The following TRAM1 variants were observed in gnomAD, a reference collection of about 807,000 sequenced individuals.
The protein encoded by TRAM1 is translocating chain-associated membrane protein 1.
TRAM1 carries 17 observed loss-of-function variants against 48.7 expected under a neutral mutation model. The observed-to-expected ratio is 0.35, with a 90% CI of 0.24 to 0.52. TRAM1 has a LOEUF of 0.52. Ranked by LOEUF, TRAM1 falls within the 20% of genes least tolerant of loss-of-function variation. The pLI, the probability that TRAM1 is intolerant of heterozygous loss-of-function variation, is 0.94. For synonymous variants in TRAM1, 182 were observed against 154.0 expected, an observed-to-expected ratio of 1.18 and a Z score of -1.34; for missense variants, 351 against 441.5, an observed-to-expected ratio of 0.79 and a Z score of 1.84.
At position 70,583,727 on chromosome 8, in the gene TRAM1, A is replaced by T. The variant is rs777859138; in HGVS notation, c.813T>A (p.Thr271=). 1 of 1,612,200 alleles carries T rather than the reference A, an allele frequency of 6.2e-7. No individual in the cohort carries two copies. Among genetic ancestry groups the T allele is most frequent in the Non-Finnish European group, 8.5e-7 (1 of 1,179,494 alleles). ...RLLTLILSVL[T]VGFGLARAEN... ...CTGCTCTTGCAAGGCCAAAACCAAC[A>T]GTCAGTACTGAAAGAATTAAAGTCA... The change falls in exon 9 of 11, where the codon ACT becomes ACA. Residue 271 remains threonine, a synonymous_variant. Transcript: ENST00000262213.
chr8:70,608,186 T>C lies in TRAM1; in HGVS notation c.14A>G (p.Lys5Arg). MAIR[K>R]KSTKSPPVLS... The stretch of plus-strand genomic sequence containing the variant: ...CACTGGGGGGCTCTTGGTGCTTTTC[T>C]TGCGAATCGCCATGGTGGGGCCGCC... The change falls in exon 1 of 11, where the codon AAG becomes AGG. Residue 5 changes from lysine to arginine, a missense_variant. Transcript: ENST00000262213. The C allele has an allele frequency of 6.3e-7, 1 of 1,588,446 alleles. No individual in the cohort carries two copies.
At position 70,608,101 on chromosome 8, in the gene TRAM1, G is replaced by T; in HGVS notation, c.99C>A (p.Val33=). ...CCTCAAACATGAGCCCCAGCAGGAA[G>T]ACCATCGCCACACAGGAGACGATGT... ...HADIVSCVAM[V]FLLGLMFEIT... The change falls in exon 1 of 11, where the codon GTC becomes GTA. Residue 33 remains valine (V), a synonymous_variant. Coordinates refer to ENST00000262213, the MANE Select transcript of TRAM1 (RefSeq NM_014294.6). 6.3e-7 allele frequency: 1 copy of T among 1,598,376 alleles called. No homozygotes were observed. Among genetic ancestry groups the T allele is most frequent in the Non-Finnish European group, 8.5e-7 (1 of 1,173,478 alleles).
Position 70,608,286 on chromosome 8 carries a change from G to GCTGCTCCTCACGGCCCCGCTGC in TRAM1, c.-109_-88dup. On this transcript the variant is annotated 5_prime_UTR_variant, in exon 1 of 11. The change abolishes the stop of an existing upstream ORF in the 5' untranslated region. Coordinates refer to ENST00000262213, the MANE Select transcript of TRAM1 (RefSeq NM_014294.6). ...ACCGACTCGCCGCCGCCTCCCGCTG[G>GCTGCTCCTCACGGCCCCGCTGC]CTGCTCCTCACGGCCCCGCTGCAGC... 6.8e-7 allele frequency: 1 copy of GCTGCTCCTCACGGCCCCGCTGC among 1,474,362 alleles called. No homozygotes were observed. The highest frequency in any genetic ancestry group is 2.7e-5 in the East Asian group (1 of 37,018). 91.3% of individuals were successfully genotyped at this position (1,474,362 alleles called of 1,614,324 possible).
Position 70,608,367 on chromosome 8 carries a change from C to T in TRAM1, c.-168G>A, listed in dbSNP as rs1452464009. ...AGCCAGTACGCAGCCGCCGGGCCGC[C>T]CGGGGGAAAAAAAAAAACACAACAG... On this transcript the variant is annotated 5_prime_UTR_variant, in exon 1 of 11. Transcript: ENST00000262213. 3 of 606,460 alleles carry T rather than the reference C, an allele frequency of 4.9e-6. No individual in the cohort carries two copies. Among genetic ancestry groups the T allele is most frequent in the Non-Finnish European group, 6.7e-6 (3 of 448,396 alleles). The allele number at this position is 606,460 out of a possible 1,614,324, so 37.6% of individuals were successfully genotyped here.
intron 6 of TRAM1, among the ~76,000 whole-genome samples, chr8:70,593,826 A>T (rs1268788596): frequency 6.6e-6 from 1 of 152,116 alleles, no homozygotes; most frequent in African/African-American, 2.4e-5. Flanking sequence ...TCTAGTTTAA[A>T]GTAATAGGGA....
chr8:70,608,303 C>T lies in TRAM1; in HGVS notation c.-104G>A. ...TCCCGCTGGCTGCTCCTCACGGCCCCGCTGCAGCCGCTCGCTGGGGCTTCA... is the reference window on the plus strand; with the variant it reads ...TCCCGCTGGCTGCTCCTCACGGCCCTGCTGCAGCCGCTCGCTGGGGCTTCA... On this transcript the variant is annotated 5_prime_UTR_variant, in exon 1 of 11. Coordinates refer to ENST00000262213, the MANE Select transcript of TRAM1 (RefSeq NM_014294.6). 2 of 1,410,856 alleles carry T rather than the reference C, an allele frequency of 1.4e-6. No homozygotes were observed. Among genetic ancestry groups the T allele is most frequent in the Non-Finnish European group, 1.9e-6 (2 of 1,075,892 alleles). The allele number at this position is 1,410,856 out of a possible 1,614,324, so 87.4% of individuals were successfully genotyped here.
chr8:70,601,871 T>G (rs1485547158), intron 1 of TRAM1, among the ~76,000 whole-genome samples: 4 of 152,210 alleles, frequency 2.6e-5, no homozygotes, highest in Admixed American at 2.6e-4. Flanking sequence ...TAGAACTCAG[T>G]AGGGAGAACC....
chr8:70,574,507 T>C lies in TRAM1; in HGVS notation c.*425A>G. 4.8e-6 allele frequency: 1 copy of C among 208,234 alleles called. No individual in the cohort carries two copies. Among genetic ancestry groups the C allele is most frequent in the Non-Finnish European group, 9.6e-6 (1 of 103,696 alleles). The allele number at this position is 208,234 out of a possible 1,614,324, so 12.9% of individuals were successfully genotyped here. Reference sequence around the variant, plus strand: ...AACATATTAAAGTTTGACATCCAACTTTATAGTATTTCCATGTTACCCTGA... The same window carrying C: ...AACATATTAAAGTTTGACATCCAACCTTATAGTATTTCCATGTTACCCTGA... On this transcript the variant is annotated 3_prime_UTR_variant, in exon 11 of 11. Transcript: ENST00000262213.
intron 8 of TRAM1, 119 bp from the exon 9 acceptor site, chr8:70,583,912 C>A: frequency 8.5e-7 from 1 of 1,178,942 alleles, no homozygotes; most frequent in African/African-American, 1.6e-5. Context: ...ACTTGGGAGG[C>A]TGAGGCAGGA....
At chr8:70,600,803 T>C (rs1270841837) in intron 1 of TRAM1, among the ~76,000 whole-genome samples, 1 of 152,192 alleles carries the variant, frequency 6.6e-6, no homozygotes, top group African/African-American at 2.4e-5. Flanking sequence ...GTTGGTTTTT[T>C]TTCTGGGGTG....
chr8:70,597,040 A>G (rs993755486), intron 4 of TRAM1, among the ~76,000 whole-genome samples: 15 of 152,170 alleles, frequency 9.9e-5, no homozygotes, highest in Non-Finnish European at 1.9e-4. Context: ...TCCAACATGA[A>G]GTGCTTTACC....
At chr8:70,607,033 A>G in intron 1 of TRAM1, 1 of 888,306 alleles carries the variant, frequency 1.1e-6, no homozygotes, top group Non-Finnish European at 1.3e-6. Context: ...CACTTGTTAC[A>G]TGCAGGAGAG....
chr8:70,578,395 T>C (rs1198770650), intron 10 of TRAM1, among the ~76,000 whole-genome samples: 1 of 152,224 alleles, frequency 6.6e-6, no homozygotes, highest in Non-Finnish European at 1.5e-5. Flanking sequence ...AGCCAATTGG[T>C]TGAGACTGGT....
At chr8:70,578,173 C>T (rs1403506324) in intron 10 of TRAM1, among the ~76,000 whole-genome samples, 2 of 152,242 alleles carry the variant, frequency 1.3e-5, no homozygotes, top group Non-Finnish European at 2.9e-5. Context: ...AGGTTTCCAG[C>T]TGGTGAAGTG....
chr8:70,592,197 G>A (rs1021044445), intron 6 of TRAM1, among the ~76,000 whole-genome samples: 1 of 152,104 alleles, frequency 6.6e-6, no homozygotes, highest in Non-Finnish European at 1.5e-5. Flanking sequence ...GGGCAAAATG[G>A]AGAACTGTTT....
intron 10 of TRAM1, among the ~76,000 whole-genome samples, chr8:70,581,463 A>C (rs1817071694): frequency 6.6e-6 from 1 of 152,216 alleles, no homozygotes; most frequent in East Asian, 1.9e-4. Context: ...CAAGTGAAGG[A>C]GTCTTTTTAA....
intron 6 of TRAM1, among the ~76,000 whole-genome samples, chr8:70,591,384 G>C (rs1043384695): frequency 2.0e-5 from 3 of 152,122 alleles, no homozygotes; most frequent in Non-Finnish European, 2.9e-5. Flanking sequence ...TTACAGCCCC[G>C]ATGGCACGGT....
chr8:70,597,928 A>G lies in TRAM1; in HGVS notation c.393T>C (p.Phe131=). The G allele has an allele frequency of 1.2e-6, 2 of 1,600,770 alleles. No individual in the cohort carries two copies. The highest frequency in any genetic ancestry group is 1.7e-6 in the Non-Finnish European group (2 of 1,172,152). The change falls in exon 4 of 11, where the codon TTT becomes TTC. Residue 131 remains phenylalanine, a synonymous_variant. Transcript: ENST00000262213. ...ESGQLSAFYL[F]ACVWGTFILI... ...GAATGAATGTGCCCCAAACACAGGCAAAAAGGTAGAACGCACTAAGCTGAC... is the reference window on the plus strand; with the variant it reads ...GAATGAATGTGCCCCAAACACAGGCGAAAAGGTAGAACGCACTAAGCTGAC...
At chr8:70,584,932 T>A (rs1232190260) in intron 8 of TRAM1, among the ~76,000 whole-genome samples, 1 of 152,126 alleles carries the variant, frequency 6.6e-6, no homozygotes, top group Non-Finnish European at 1.5e-5. Context: ...AAAACTACTT[T>A]AAAGTTCATA....
Sources: gnomAD v4.1 joint callset for allele counts (sites outside exome capture counted in the v4.1 genomes callset) on GRCh38, gnomAD v4.1.1 for gene constraint, MANE v1.5 for transcripts, NCBI Gene and HGNC (gene_info 2026-07-23, HGNC 2026-07-21) for gene names.